CSMD3: variants seen among roughly 807,000 people sequenced by gnomAD.
CSMD3 encodes the protein CUB and sushi domain-containing protein 3.
A neutral mutation model predicts 435.2 loss-of-function variants in CSMD3; 177 were observed. The ratio of observed to expected loss-of-function variants is 0.41; its 90% CI spans 0.36 to 0.46. The LOEUF (loss-of-function observed/expected upper bound fraction) is 0.46, where lower values mean the gene tolerates loss of function less well. Ranked by LOEUF, CSMD3 falls within the 20% of genes least tolerant of loss-of-function variation. The pLI is 0.34. For synonymous variants in CSMD3, 1,656 were observed against 1,520.5 expected, an observed-to-expected ratio of 1.09 and a Z score of -2.07; for missense variants, 4,265 against 4,504.6, an observed-to-expected ratio of 0.95 and a Z score of 1.52.
chr8:112,909,868 G>C (rs1349295144), intron 10 of CSMD3, among the ~76,000 whole-genome samples: 9 of 151,734 alleles, frequency 5.9e-5, no homozygotes, highest in Admixed American at 4.0e-4. Context: ...TCAGTATCTG[G>C]ATTAAGTCCG....
At chr8:113,198,130 T>C (rs1014407832) in intron 3 of CSMD3, among the ~76,000 whole-genome samples, 1 of 151,412 alleles carries the variant, frequency 6.6e-6, no homozygotes, top group Non-Finnish European at 1.5e-5. Flanking sequence ...CCATGTGGAA[T>C]TCAAGTTGGT....
At chr8:112,305,090 T>C (rs1821296798) in intron 51 of CSMD3, among the ~76,000 whole-genome samples, 175 bp from the exon 52 acceptor site, 1 of 152,186 alleles carries the variant, frequency 6.6e-6, no homozygotes, top group Non-Finnish European at 1.5e-5. Context: ...AGCTATATGG[T>C]ATTGCTGGCA....
intron 53 of CSMD3, among the ~76,000 whole-genome samples, chr8:112,299,360 C>T (rs1042273884): frequency 2.0e-5 from 3 of 151,618 alleles, no homozygotes; most frequent in Non-Finnish European, 2.9e-5. Context: ...CAAATTTTGC[C>T]GAGTTTAAAA....
At position 113,313,104 on chromosome 8, in the gene CSMD3, T is replaced by C. The variant is rs79692566; in HGVS notation, c.401+1467A>G. ...AGACATGCAGCAGGTTCATACACATTTTCTCGTAATACCTGCAGAACAGTA... is the reference window on the plus strand; with the variant it reads ...AGACATGCAGCAGGTTCATACACATCTTCTCGTAATACCTGCAGAACAGTA... On this transcript the variant is annotated intron_variant, in intron 2 of 70. Transcript: ENST00000297405. The C allele has an allele frequency of 4.8e-3, 734 of 152,212 alleles. 4 individuals are homozygous for C. Among genetic ancestry groups the C allele is most frequent in the African/African-American group, 0.017 (689 of 41,536 alleles). The allele number at this position is 152,212 out of a possible 1,614,324, so 9.4% of individuals were successfully genotyped here. A position where few individuals can be genotyped will look rare whatever the true frequency, so the allele number is the denominator to read the frequency against.
At position 113,028,637 on chromosome 8, in the gene CSMD3, T is replaced by A. The variant is rs2086966668; in HGVS notation, c.918-9458A>T. Among the ~76,000 whole-genome samples the A allele has an allele frequency of 2.0e-5, 3 of 151,516 alleles. No individual in the cohort carries two copies. In the South Asian group the frequency reaches 6.3e-4, roughly 32 times the overall value. On this transcript the variant is annotated intron_variant, in intron 5 of 70. Transcript: ENST00000297405. ...ATCTTTTTTGCTGATACGGAGAAAG[T>A]TTTAGTGGTTTGGATATAAGATCAA...
intron 10 of CSMD3, among the ~76,000 whole-genome samples, chr8:112,893,042 T>TTGCTGC (rs1184683291): frequency 6.6e-6 from 1 of 151,194 alleles, no homozygotes; most frequent in South Asian, 2.1e-4. Flanking sequence ...AGTACTGCTG[T>TTGCTGC]TGCTGCTGCT....
intron 10 of CSMD3, among the ~76,000 whole-genome samples, chr8:112,890,264 T>C (rs189314466): frequency 7.2e-5 from 11 of 151,804 alleles, no homozygotes; most frequent in Non-Finnish European, 1.6e-4. Flanking sequence ...ATGACAGTTC[T>C]TTCAATGATT....
intron 27 of CSMD3, among the ~76,000 whole-genome samples, chr8:112,543,099 C>T (rs1239152070): frequency 6.6e-6 from 1 of 151,928 alleles, no homozygotes; most frequent in African/African-American, 2.4e-5. Flanking sequence ...AAAATCAACT[C>T]AAAATGGATT....
intron 18 of CSMD3, among the ~76,000 whole-genome samples, chr8:112,652,063 T>A (rs903865337): frequency 6.6e-6 from 1 of 152,214 alleles, no homozygotes; most frequent in Non-Finnish European, 1.5e-5. Context: ...TGGACATACG[T>A]ATAGCCAAAA....
intron 6 of CSMD3, chr8:113,018,827 C>A (rs1187264739): frequency 2.0e-6 from 1 of 511,448 alleles, no homozygotes; most frequent in Non-Finnish European, 3.5e-6. Flanking sequence ...GCATCTGCTA[C>A]ATACTACCTT....
intron 1 of CSMD3, among the ~76,000 whole-genome samples, chr8:113,419,510 A>G (rs1168724085): frequency 1.3e-5 from 2 of 152,138 alleles, no homozygotes; most frequent in Non-Finnish European, 2.9e-5. Flanking sequence ...CTGCATAAAA[A>G]GCTCTGCTTG....
chr8:112,875,763 T>C (rs2446468), intron 10 of CSMD3, among the ~76,000 whole-genome samples: 121,357 of 152,078 alleles, frequency 0.8, 49,221 homozygotes, highest in East Asian at 0.93. Flanking sequence ...TTTTTCAGCT[T>C]CATCAGGTCA....
At chr8:113,324,912 G>C (rs2093973579) in intron 1 of CSMD3, among the ~76,000 whole-genome samples, 1 of 152,224 alleles carries the variant, frequency 6.6e-6, no homozygotes, top group Non-Finnish European at 1.5e-5. Flanking sequence ...GGGAGACATG[G>C]AGTCAAAGGA....
intron 38 of CSMD3, among the ~76,000 whole-genome samples, chr8:112,364,546 T>G (rs1827576322): frequency 6.6e-6 from 1 of 152,024 alleles, no homozygotes. Context: ...GGATTTGCCA[T>G]TAGTGAGATT....
At chr8:112,451,030 T>C (rs1307366238) in intron 32 of CSMD3, among the ~76,000 whole-genome samples, 2 of 152,110 alleles carry the variant, frequency 1.3e-5, no homozygotes, top group East Asian at 1.9e-4. Flanking sequence ...TAAATAAACA[T>C]TGGTACAAAT....
chr8:113,049,278 T>C (rs1369113404), intron 5 of CSMD3, among the ~76,000 whole-genome samples: 2 of 152,046 alleles, frequency 1.3e-5, no homozygotes, highest in Non-Finnish European at 2.9e-5. Context: ...TTCCAGCTTT[T>C]ATACTCTGAA....
At chr8:113,141,538 A>G (rs1265252695) in intron 4 of CSMD3, among the ~76,000 whole-genome samples, 4 of 151,158 alleles carry the variant, frequency 2.6e-5, no homozygotes, top group South Asian at 4.1e-4. Flanking sequence ...TTGAATGTCA[A>G]TCATTATAAT....
intron 1 of CSMD3, among the ~76,000 whole-genome samples, chr8:113,356,423 G>A (rs890638012): frequency 1.3e-5 from 2 of 152,036 alleles, no homozygotes; most frequent in African/African-American, 2.4e-5. Context: ...AGCTTTTTTT[G>A]TGGTTAAAGT....
chr8:113,323,241 T>C (rs964951722), intron 1 of CSMD3, among the ~76,000 whole-genome samples: 3 of 152,244 alleles, frequency 2.0e-5, no homozygotes, highest in Admixed American at 6.5e-5. Flanking sequence ...GCCTGTATTA[T>C]TGTTATATCC....
Sources: gnomAD v4.1 joint callset for allele counts (sites outside exome capture counted in the v4.1 genomes callset) on GRCh38, gnomAD v4.1.1 for gene constraint, MANE v1.5 for transcripts, NCBI Gene and HGNC (gene_info 2026-07-23, HGNC 2026-07-21) for gene names.